The following MAP3K20 variants were observed in gnomAD, a reference collection of about 807,000 sequenced individuals.
MAP3K20 encodes the protein HCCS-4.
In MAP3K20, 40 loss-of-function variants were observed where a neutral mutation model predicts 85.7. The ratio of observed to expected loss-of-function variants is 0.47; its 90% CI spans 0.36 to 0.61. MAP3K20 has a LOEUF of 0.61. Ranked by LOEUF, MAP3K20 falls within the 20% of genes least tolerant of loss-of-function variation. MAP3K20 has a pLI of 0.00. For missense variants in MAP3K20, 817 were observed against 961.7 expected (o/e 0.85, Z 1.99); for synonymous variants, 325 against 327.7 (o/e 0.99, Z 0.09).
chr2:173,103,135 A>G (rs1321727818), intron 2 of MAP3K20, among the ~76,000 whole-genome samples: 1 of 152,216 alleles, frequency 6.6e-6, no homozygotes, highest in Non-Finnish European at 1.5e-5. Flanking sequence ...AAAATATAAT[A>G]CAAAGTTTAG....
At chr2:173,100,269 G>GCTTTA (rs1294183978) in intron 2 of MAP3K20, among the ~76,000 whole-genome samples, 1 of 152,166 alleles carries the variant, frequency 6.6e-6, no homozygotes, top group Non-Finnish European at 1.5e-5. Flanking sequence ...TTGGTGAAGG[G>GCTTTA]CTTTACACCA....
At chr2:173,126,838 C>G (rs758158470) in intron 2 of MAP3K20, among the ~76,000 whole-genome samples, 5 of 152,212 alleles carry the variant, frequency 3.3e-5, no homozygotes, top group Non-Finnish European at 7.3e-5. Flanking sequence ...CTGTAGGCAG[C>G]ATCCACACGT....
chr2:173,132,315 A>G (rs1688640602), intron 2 of MAP3K20, among the ~76,000 whole-genome samples: 1 of 152,192 alleles, frequency 6.6e-6, no homozygotes, highest in South Asian at 2.1e-4. Context: ...TATGGCATTT[A>G]GTCCCTTTAC....
At position 173,231,211 on chromosome 2, in the gene MAP3K20, A is replaced by C. The variant is rs1272713682; in HGVS notation, c.1033-981A>C. 2.0e-5 allele frequency among the ~76,000 whole-genome samples: 3 copies of C among 152,338 alleles called. No individual in the cohort carries two copies. In the East Asian group the frequency reaches 5.8e-4, roughly 29 times the overall value. ...CTCAAAAGATCTGTTTACCTAGCTC[A>C]ACCTGGTTTTGGGCCCAGGCATTTC... On this transcript the variant is annotated intron_variant, in intron 12 of 19. Transcript: ENST00000375213.
At chr2:173,237,880 A>G (rs1394782184) in intron 14 of MAP3K20, among the ~76,000 whole-genome samples, 2 of 152,146 alleles carry the variant, frequency 1.3e-5, no homozygotes, top group Admixed American at 1.3e-4. Flanking sequence ...AACATCTTTA[A>G]AATGTCTTCT....
intron 11 of MAP3K20, among the ~76,000 whole-genome samples, chr2:173,228,427 C>G (rs371659820): frequency 1.7e-4 from 26 of 152,234 alleles, no homozygotes; most frequent in African/African-American, 6.3e-4. Flanking sequence ...CTCCATTCTC[C>G]CATCTTATTT....
chr2:173,223,900 C>A, intron 11 of MAP3K20: 1 of 985,422 alleles, frequency 1.0e-6, no homozygotes, highest in Non-Finnish European at 1.2e-6. Flanking sequence ...TTCCAGCATG[C>A]CCTGGGGTGC....
rs139080666 is a variant in MAP3K20, at chr2:173,224,648, C to T, written c.988-5041C>T. 9.4e-4 allele frequency: 925 copies of T among 985,284 alleles called. 7 individuals carry two copies. In the African/African-American group the frequency reaches 0.014, roughly 15 times the overall value. 61.0% of individuals were successfully genotyped at this position (985,284 alleles called of 1,614,324 possible). On this transcript the variant is annotated intron_variant, in intron 11 of 19. Coordinates refer to ENST00000375213, the MANE Select transcript of MAP3K20 (RefSeq NM_016653.3). Reference sequence around the variant, plus strand: ...GTGAAGAGCTTAAAATTGTTCTCCTCGTAGAACTGGACTATTGATCATTAC... The same window carrying T: ...GTGAAGAGCTTAAAATTGTTCTCCTTGTAGAACTGGACTATTGATCATTAC...
intron 11 of MAP3K20, chr2:173,225,916 A>AAC: frequency 2.0e-6 from 2 of 985,088 alleles, no homozygotes; most frequent in Non-Finnish European, 1.2e-6. Flanking sequence ...ATTAAAAAAA[A>AAC]AAAAGAAAAA....
intron 1 of MAP3K20, 27 bp from the exon 2 acceptor site, chr2:173,090,971 A>G: frequency 1.9e-6 from 3 of 1,555,730 alleles, no homozygotes; most frequent in Middle Eastern, 1.9e-4. Context: ...TTTGTAATTC[A>G]GCTTTTCTTT....
chr2:173,098,224 G>T (rs1244528068), intron 2 of MAP3K20, among the ~76,000 whole-genome samples: 1 of 152,160 alleles, frequency 6.6e-6, no homozygotes. Flanking sequence ...GTCCAAAGCG[G>T]TGCTCAAGAG....
At chr2:173,217,872 A>C (rs1434094102) in intron 11 of MAP3K20, among the ~76,000 whole-genome samples, 1 of 152,202 alleles carries the variant, frequency 6.6e-6, no homozygotes, top group Non-Finnish European at 1.5e-5. Flanking sequence ...GAGGAATATA[A>C]AAATTATTTT....
rs574410155 is a variant in MAP3K20, at chr2:173,233,757, T to A, written c.1203+1298T>A. On this transcript the variant is annotated intron_variant, in intron 14 of 19. Coordinates refer to ENST00000375213, the MANE Select transcript of MAP3K20 (RefSeq NM_016653.3). ...AGTGACCTTTCTAGAGAAATCTCCA[T>A]TAAGGCCCAAAGAGAGCCCATTCAT... is the stretch of plus-strand genomic sequence containing the variant. Among the ~76,000 whole-genome samples the A allele has an allele frequency of 1.0e-3, 159 of 152,336 alleles. 1 individual carries two copies. The highest frequency in any genetic ancestry group is 8.4e-4 in the Non-Finnish European group (57 of 68,028).
At chr2:173,218,246 G>T (rs1371221933) in intron 11 of MAP3K20, among the ~76,000 whole-genome samples, 1 of 152,154 alleles carries the variant, frequency 6.6e-6, no homozygotes, top group African/African-American at 2.4e-5. Context: ...ATTTTCCAGT[G>T]TCTAAAGAAT....
intron 2 of MAP3K20, among the ~76,000 whole-genome samples, chr2:173,135,850 T>A (rs1458141896): frequency 1.3e-5 from 2 of 152,242 alleles, no homozygotes; most frequent in African/African-American, 4.8e-5. Context: ...CAACTTAGTA[T>A]CACCAGTTTT....
At chr2:173,157,142 G>T (rs1253885066) in intron 2 of MAP3K20, among the ~76,000 whole-genome samples, 1 of 152,130 alleles carries the variant, frequency 6.6e-6, no homozygotes. Flanking sequence ...AAATGGAGGC[G>T]ATCTGTTCAT....
chr2:173,244,125 C>A (rs188832658), intron 16 of MAP3K20, among the ~76,000 whole-genome samples: 1 of 152,186 alleles, frequency 6.6e-6, no homozygotes, highest in East Asian at 1.9e-4. Context: ...TAGCTGGAGA[C>A]GCAGCAAGTG....
chr2:173,263,586 A>C (rs1685345132), intron 18 of MAP3K20, among the ~76,000 whole-genome samples, 159 bp from the exon 19 acceptor site: 1 of 152,212 alleles, frequency 6.6e-6, no homozygotes, highest in Non-Finnish European at 1.5e-5. Context: ...AACTGTTCAG[A>C]ATATTTTCCT....
intron 16 of MAP3K20, among the ~76,000 whole-genome samples, chr2:173,252,075 T>C (rs779124432): frequency 3.9e-5 from 6 of 152,248 alleles, no homozygotes; most frequent in Non-Finnish European, 8.8e-5. Flanking sequence ...TCTCTTTTCC[T>C]CTTTGGAACA....
Sources: gnomAD v4.1 joint callset for allele counts (sites outside exome capture counted in the v4.1 genomes callset) on GRCh38, gnomAD v4.1.1 for gene constraint, MANE v1.5 for transcripts, NCBI Gene and HGNC (gene_info 2026-07-23, HGNC 2026-07-21) for gene names.